Variants in COX10 observed in about 807,000 individuals in gnomAD.
COX10 encodes cytochrome c oxidase assembly factor heme A:farnesyltransferase COX10, also known as protoheme IX farnesyltransferase, mitochondrial.
In COX10, 27 loss-of-function variants were observed where a neutral mutation model predicts 37.3. The observed-to-expected ratio is 0.72, with a 90% confidence interval of 0.53 to 1.00. The LOEUF is 1.00. COX10 is among the 50% of genes least tolerant of loss of function. COX10 has a pLI of 0.00. For missense variants in COX10, 475 were observed against 563.2 expected (o/e 0.84, Z 1.59); for synonymous variants, 222 against 229.1 (o/e 0.97, Z 0.28).
chr17:14,169,709 G>T (rs1905400940), intron 5 of COX10, among the ~76,000 whole-genome samples: 1 of 152,106 alleles, frequency 6.6e-6, no homozygotes, highest in Non-Finnish European at 1.5e-5. Context: ...TTATTCTCTG[G>T]CAAAGAACAC....
intron 4 of COX10, among the ~76,000 whole-genome samples, chr17:14,155,431 T>C (rs551812407): frequency 6.7e-5 from 10 of 149,410 alleles, no homozygotes; most frequent in Middle Eastern, 3.6e-3. Flanking sequence ...GATAGGAGAG[T>C]GAGGCCGGGC....
At position 14,084,171 on chromosome 17, in the gene COX10, A is replaced by G. The variant is rs1915358947; in HGVS notation, c.499+7115A>G. ...ACTTACTGTAATCTTCAGTTATTAA[A>G]TATTTGTATTAAGGGGGTTTTAGCA... On this transcript the variant is annotated intron_variant, in intron 3 of 6. Transcript: ENST00000261643. 2.6e-5 allele frequency among the ~76,000 whole-genome samples: 4 copies of G among 152,154 alleles called. No individual in the cohort carries two copies. In the South Asian group the frequency reaches 8.3e-4, roughly 31 times the overall value.
chr17:14,097,318 GT>G (rs35535081), intron 3 of COX10, among the ~76,000 whole-genome samples: 27,229 of 144,444 alleles, frequency 0.19, 2,507 homozygotes, highest in East Asian at 0.22. Context: ...TAGCTTTTGG[GT>G]TTTTTTTTTT....
chr17:14,118,196 T>C (rs1317090207), intron 4 of COX10, among the ~76,000 whole-genome samples: 1 of 152,064 alleles, frequency 6.6e-6, no homozygotes, highest in Non-Finnish European at 1.5e-5. Flanking sequence ...AGGCAACTTT[T>C]GGGGTGTGAA....
intron 6 of COX10, among the ~76,000 whole-genome samples, chr17:14,199,004 A>C (rs907816425): frequency 1.3e-5 from 2 of 152,226 alleles, no homozygotes; most frequent in African/African-American, 2.4e-5. Context: ...AAAATAAACA[A>C]GGAACATTTT....
intron 4 of COX10, among the ~76,000 whole-genome samples, chr17:14,158,162 T>C (rs556885276): frequency 6.6e-6 from 1 of 151,626 alleles, no homozygotes; most frequent in East Asian, 1.9e-4. Context: ...TATAGTAACC[T>C]GAAAAGAAGA....
chr17:14,137,731 A>G (rs1231638140), intron 4 of COX10, among the ~76,000 whole-genome samples: 2 of 152,092 alleles, frequency 1.3e-5, no homozygotes, highest in Non-Finnish European at 2.9e-5. Flanking sequence ...ATAGTAAACT[A>G]ATAAATGGTA....
chr17:14,095,403 C>T (rs1212515021), intron 3 of COX10, among the ~76,000 whole-genome samples: 1 of 152,168 alleles, frequency 6.6e-6, no homozygotes, highest in Non-Finnish European at 1.5e-5. Flanking sequence ...AGGCCCTCAT[C>T]GCCTCCCACC....
chr17:14,097,857 T>C (rs986221999), intron 3 of COX10, among the ~76,000 whole-genome samples: 4 of 152,284 alleles, frequency 2.6e-5, no homozygotes, highest in Admixed American at 1.3e-4. Flanking sequence ...CCTTGGAGTA[T>C]CCCTGGGGGA....
In COX10 at chr17:14,180,424, T is replaced by C. The variant is rs530468969; in HGVS notation, c.696-11565T>C. Among the ~76,000 whole-genome samples the C allele has an allele frequency of 2.0e-5, 3 of 152,314 alleles. No individual in the cohort carries two copies. The South Asian group carries it at 6.2e-4, about 32-fold the overall frequency. ...TGGTATGAAGAGTTCACAAAAACTTTTTGTACATATTGTCATGCTTAGTCA... is the reference window on the plus strand; with the variant it reads ...TGGTATGAAGAGTTCACAAAAACTTCTTGTACATATTGTCATGCTTAGTCA... On this transcript the variant is annotated intron_variant, in intron 5 of 6. Transcript: ENST00000261643.
At chr17:14,189,983 G>A (rs1040522082) in intron 5 of COX10, among the ~76,000 whole-genome samples, 34 of 152,148 alleles carry the variant, frequency 2.2e-4, no homozygotes, top group Admixed American at 2.6e-4. Flanking sequence ...GATTAGGGAG[G>A]AGATTAAATA....
Position 14,179,923 on chromosome 17 carries a change from T to C in COX10, c.696-12066T>C, listed in dbSNP as rs1370619834. Reference sequence around the variant, plus strand: ...AACACTTGGAATTGGGGTCAGTCAATACCTGGTTTTGAAATGAATGATGAA... The same window carrying C: ...AACACTTGGAATTGGGGTCAGTCAACACCTGGTTTTGAAATGAATGATGAA... On this transcript the variant is annotated intron_variant, in intron 5 of 6. Coordinates refer to ENST00000261643, the MANE Select transcript of COX10 (RefSeq NM_001303.4). Among the ~76,000 whole-genome samples the C allele has an allele frequency of 6.6e-5, 10 of 152,136 alleles. No individual in the cohort carries two copies. The South Asian group carries it at 1.5e-3, about 22-fold the overall frequency.
Position 14,207,315 on chromosome 17 carries a change from T to C in COX10, c.*102T>C. On this transcript the variant is annotated 3_prime_UTR_variant, in exon 7 of 7. Coordinates refer to ENST00000261643, the MANE Select transcript of COX10 (RefSeq NM_001303.4). Reference sequence around the variant, plus strand: ...AGAAATTGCTGGGTTTAGAACAAGATTATAAACGAATTCGGTGCTCAGTGA... The same window carrying C: ...AGAAATTGCTGGGTTTAGAACAAGACTATAAACGAATTCGGTGCTCAGTGA... 1 of 1,402,462 alleles carries C rather than the reference T, an allele frequency of 7.1e-7. No individual in the cohort carries two copies. The highest frequency in any genetic ancestry group is 9.3e-7 in the Non-Finnish European group (1 of 1,072,994). The allele number at this position is 1,402,462 out of a possible 1,614,324, so 86.9% of individuals were successfully genotyped here.
chr17:14,102,097 T>C, intron 3 of COX10, 21 bp from the exon 4 acceptor site: 1 of 1,613,456 alleles, frequency 6.2e-7, no homozygotes, highest in South Asian at 1.1e-5. Flanking sequence ...ACAGTGTGTC[T>C]GCTCTGTTTC....
chr17:14,195,481 G>A (rs1274573736), intron 6 of COX10, among the ~76,000 whole-genome samples: 1 of 152,158 alleles, frequency 6.6e-6, no homozygotes, highest in East Asian at 1.9e-4. Context: ...AAAGGCACAT[G>A]TACCTAGTAG....
At chr17:14,106,209 G>T (rs1421219454) in intron 4 of COX10, among the ~76,000 whole-genome samples, 1 of 151,930 alleles carries the variant, frequency 6.6e-6, no homozygotes, top group Non-Finnish European at 1.5e-5. Context: ...TTGAGACGTG[G>T]TTTCACCATG....
intron 4 of COX10, among the ~76,000 whole-genome samples, chr17:14,150,458 G>A (rs570702459): frequency 1.3e-5 from 2 of 152,324 alleles, no homozygotes; most frequent in African/African-American, 4.8e-5. Context: ...CACAGTCTTT[G>A]TGTATTAGGA....
intron 4 of COX10, among the ~76,000 whole-genome samples, chr17:14,112,670 A>T (rs1916028794): frequency 6.6e-6 from 1 of 152,118 alleles, no homozygotes; most frequent in Non-Finnish European, 1.5e-5. Flanking sequence ...TGTGAAGGTC[A>T]CGAAAGCTTC....
rs57127092 is a variant in COX10, at chr17:14,166,785, C to CTT, written c.695+6859_695+6860dup. Reference sequence around the variant, plus strand: ...TGCCACCACGCCTGGCTATTTCTTTCTTTTTTTTTTTTTTTTTTTTTTGTA... The same window carrying CTT: ...TGCCACCACGCCTGGCTATTTCTTTCTTTTTTTTTTTTTTTTTTTTTTTTGTA... On this transcript the variant is annotated intron_variant, in intron 5 of 6. Coordinates refer to ENST00000261643, the MANE Select transcript of COX10 (RefSeq NM_001303.4). Among the ~76,000 whole-genome samples the CTT allele has an allele frequency of 4.0e-3, 405 of 100,284 alleles. 3 individuals carry two copies. The highest frequency in any genetic ancestry group is 0.013 in the East Asian group (40 of 3,128). The allele number at this position is 100,284 out of a possible 152,430, so 65.8% of individuals were successfully genotyped here. A position where few individuals can be genotyped will look rare whatever the true frequency, so the allele number is the denominator to read the frequency against.
Sources: allele counts gnomAD v4.1 joint callset (sites outside exome capture counted in the v4.1 genomes callset), GRCh38; gene constraint gnomAD v4.1.1; transcripts MANE v1.5; gene names NCBI Gene and HGNC (gene_info 2026-07-23, HGNC 2026-07-21).